The following LARGE1 variants were observed in gnomAD, a reference collection of about 807,000 sequenced individuals.
LARGE1 encodes LARGE xylosyl- and glucuronyltransferase 1.
Under a neutral mutation model 87.6 loss-of-function variants are expected in LARGE1, and 43 were observed. The observed-to-expected ratio is 0.49, with a 90% confidence interval of 0.38 to 0.63. LARGE1 has a LOEUF of 0.63. LARGE1 is among the 30% of genes least tolerant of loss of function. The probability of loss-of-function intolerance (pLI) is 0.00; values close to 1 mark genes in which losing one functional copy is unlikely to be tolerated. For missense variants in LARGE1, 802 were observed against 1,000.2 expected (o/e 0.80, Z 2.67); for synonymous variants, 434 against 394.6 (o/e 1.10, Z -1.18).
chr22:33,661,203 A>G (rs1465388249), intron 2 of LARGE1, among the ~76,000 whole-genome samples: 1 of 149,190 alleles, frequency 6.7e-6, no homozygotes, highest in Non-Finnish European at 1.5e-5. Flanking sequence ...TTTATTACCA[A>G]AAAAGGTTCT....
intron 1 of LARGE1, among the ~76,000 whole-genome samples, chr22:33,795,280 T>A (rs1449006884): frequency 6.6e-6 from 1 of 152,268 alleles, no homozygotes; most frequent in Non-Finnish European, 1.5e-5. Context: ...ATTGCTGGTA[T>A]ACAGTAAGTA....
intron 9 of LARGE1, among the ~76,000 whole-genome samples, chr22:33,362,849 CCGTCCTCCAATTGTTTTGGA>C (rs1364625128): frequency 1.3e-5 from 2 of 149,616 alleles, no homozygotes; most frequent in African/African-American, 4.9e-5. Context: ...TAACCCAGGA[CCGTCCTCCAATTGTTTTGGA>C]AGAGTCCTTA....
At chr22:33,743,596 C>T (rs2083969808) in intron 2 of LARGE1, among the ~76,000 whole-genome samples, 1 of 152,190 alleles carries the variant, frequency 6.6e-6, no homozygotes, top group African/African-American at 2.4e-5. Flanking sequence ...AGTATGTTGG[C>T]TACCCAGCCG....
intron 1 of LARGE1, among the ~76,000 whole-genome samples, chr22:33,810,009 G>C (rs1452183863): frequency 1.3e-5 from 2 of 152,134 alleles, no homozygotes; most frequent in African/African-American, 4.8e-5. Flanking sequence ...GGCGGGTGTT[G>C]CTACCACCCA....
chr22:33,395,201 C>T (rs2065689407), intron 7 of LARGE1, among the ~76,000 whole-genome samples: 2 of 133,864 alleles, frequency 1.5e-5, no homozygotes, highest in South Asian at 4.9e-4. Flanking sequence ...TGCACTCCAG[C>T]CTGGGTGACG....
chr22:33,559,795 G>C (rs1412936922), intron 6 of LARGE1, among the ~76,000 whole-genome samples: 2 of 152,032 alleles, frequency 1.3e-5, no homozygotes, highest in Non-Finnish European at 2.9e-5. Flanking sequence ...TGATGTTCTC[G>C]GAGGTCACAT....
Position 33,609,943 on chromosome 22 carries a change from T to C in LARGE1, c.492-5385A>G, listed in dbSNP as rs566494438. Among the ~76,000 whole-genome samples the C allele has an allele frequency of 2.6e-5, 4 of 152,192 alleles. No homozygotes were observed. The South Asian group carries it at 8.3e-4, about 32-fold the overall frequency. On this transcript the variant is annotated intron_variant, in intron 4 of 14. Transcript: ENST00000397394. ...TTTAAACACTTTCTCTTGCTCCCACTCTCCTCTTGCATGTGATGTACCTGT... is the reference window on the plus strand; with the variant it reads ...TTTAAACACTTTCTCTTGCTCCCACCCTCCTCTTGCATGTGATGTACCTGT...
Position 33,426,423 on chromosome 22 carries a change from C to T in LARGE1, c.892+5738G>A, listed in dbSNP as rs190772945. ...CCAATCACAGTATTCTTTCAGAACACGAAGAGATCTTAGTTCCTGACATCA... is the reference window on the plus strand; with the variant it reads ...CCAATCACAGTATTCTTTCAGAACATGAAGAGATCTTAGTTCCTGACATCA... On this transcript the variant is annotated intron_variant, in intron 7 of 14. Transcript: ENST00000397394. 1.1e-4 allele frequency among the ~76,000 whole-genome samples: 17 copies of T among 152,146 alleles called. No individual in the cohort carries two copies. The Middle Eastern group carries it at 0.017, about 152-fold the overall frequency.
chr22:33,902,886 C>A (rs1399673630), intron 1 of LARGE1, among the ~76,000 whole-genome samples: 8 of 152,128 alleles, frequency 5.3e-5, no homozygotes, highest in Non-Finnish European at 1.2e-4. Flanking sequence ...AATCCCAGCA[C>A]TTTGGAAGGC....
rs547111067 is a variant in LARGE1 at position 33,832,795 on chromosome 22, C to T, written c.-82-71237G>A. Reference sequence around the variant, plus strand: ...CTCTGGCACATGCTGTGTGGTCTGGCACATGCAGTTAACTGGAACTCTGGA... The same window carrying T: ...CTCTGGCACATGCTGTGTGGTCTGGTACATGCAGTTAACTGGAACTCTGGA... On this transcript the variant is annotated intron_variant, in intron 1 of 14. Transcript: ENST00000397394. Among the ~76,000 whole-genome samples the T allele has an allele frequency of 1.5e-4, 23 of 152,320 alleles. 1 individual carries two copies. Among genetic ancestry groups the T allele is most frequent in the African/African-American group, 5.5e-4 (23 of 41,558 alleles).
intron 7 of LARGE1, among the ~76,000 whole-genome samples, chr22:33,403,206 A>G (rs1438317466): frequency 6.6e-6 from 1 of 152,220 alleles, no homozygotes; most frequent in East Asian, 1.9e-4. Flanking sequence ...AGCTTCCTGC[A>G]CGGTATGTGC....
At chr22:33,316,047 G>T in intron 11 of LARGE1, 38 bp downstream of exon 11, 1 of 1,608,520 alleles carries the variant, frequency 6.2e-7, no homozygotes, top group East Asian at 2.2e-5. Flanking sequence ...TAACAGCCGC[G>T]GTGAGGAGAC....
chr22:33,612,255 C>A (rs1049837134), intron 4 of LARGE1, among the ~76,000 whole-genome samples: 1 of 152,154 alleles, frequency 6.6e-6, no homozygotes, highest in Non-Finnish European at 1.5e-5. Context: ...AGACACCCAC[C>A]ACCATGCCCG....
intron 11 of LARGE1, among the ~76,000 whole-genome samples, chr22:33,309,814 A>AGGGG (rs1356424380): frequency 6.6e-6 from 1 of 152,040 alleles, no homozygotes; most frequent in Non-Finnish European, 1.5e-5. Flanking sequence ...GCAGCACAGG[A>AGGGG]CGGTGAGGGG....
At chr22:33,767,340 A>G (rs2084938532) in intron 1 of LARGE1, among the ~76,000 whole-genome samples, 1 of 151,558 alleles carries the variant, frequency 6.6e-6, no homozygotes, top group Non-Finnish European at 1.5e-5. Flanking sequence ...ATGTTATTTA[A>G]AAGTTTTGAT....
Position 33,320,641 on chromosome 22 carries a change from GAAGTT to G in LARGE1, c.1288-4398_1288-4394del, listed in dbSNP as rs577671229. Among the ~76,000 whole-genome samples, 45 of 152,306 alleles carry G rather than the reference GAAGTT, an allele frequency of 3.0e-4. 1 individual carries two copies. In the South Asian group the frequency reaches 7.3e-3, roughly 25 times the overall value. On this transcript the variant is annotated intron_variant, in intron 10 of 14. Coordinates refer to ENST00000397394, the MANE Select transcript of LARGE1 (RefSeq NM_133642.5). ...TATACAAAAAACCTGTAATCACTGT[GAAGTT>G]AAGACTATCCTTTCAATTTTCCTTT...
intron 6 of LARGE1, among the ~76,000 whole-genome samples, chr22:33,501,723 C>T (rs1389012875): frequency 1.3e-5 from 2 of 152,210 alleles, no homozygotes; most frequent in African/African-American, 4.8e-5. Flanking sequence ...ACTCTCCACT[C>T]ACCCAGGCAT....
chr22:33,387,996 C>T (rs2065388202), intron 7 of LARGE1, among the ~76,000 whole-genome samples: 1 of 152,154 alleles, frequency 6.6e-6, no homozygotes, highest in Admixed American at 6.5e-5. Context: ...TGTTTTATTC[C>T]TAGGCTTGTT....
intron 11 of LARGE1, among the ~76,000 whole-genome samples, chr22:33,204,716 G>C (rs1924592141): frequency 6.6e-6 from 1 of 152,110 alleles, no homozygotes; most frequent in South Asian, 2.1e-4. Flanking sequence ...GCTTTGGGAA[G>C]AGCCTTTCCC....
Sources: gnomAD v4.1 joint callset for allele counts (sites outside exome capture counted in the v4.1 genomes callset) on GRCh38, gnomAD v4.1.1 for gene constraint, MANE v1.5 for transcripts, NCBI Gene and HGNC (gene_info 2026-07-23, HGNC 2026-07-21) for gene names.